Variants in CSMD1 observed in about 807,000 individuals in gnomAD.
CSMD1 encodes CUB and sushi domain-containing protein 1.
Under a neutral mutation model 417.5 loss-of-function variants are expected in CSMD1, and 213 were observed. The ratio of observed to expected loss-of-function variants is 0.51; its 90% CI spans 0.46 to 0.57. CSMD1 has a LOEUF of 0.57. CSMD1 is among the 20% of genes least tolerant of loss of function. The probability of loss-of-function intolerance (pLI) is 0.00; values close to 1 mark genes in which losing one functional copy is unlikely to be tolerated. For missense variants in CSMD1, 6,923 were observed against 4,529.7 expected (o/e 1.53, Z -15.17); for synonymous variants, 2,862 against 1,736.8 (o/e 1.65, Z -16.11).
chr8:4,853,865 C>G (rs530474282), intron 1 of CSMD1, among the ~76,000 whole-genome samples: 1 of 152,350 alleles, frequency 6.6e-6, no homozygotes, highest in Non-Finnish European at 1.5e-5. Context: ...GGATGCAGGA[C>G]ATACAGTCAA....
chr8:4,994,032 C>G (rs1332778925), intron 1 of CSMD1, among the ~76,000 whole-genome samples: 1 of 152,142 alleles, frequency 6.6e-6, no homozygotes, highest in African/African-American at 2.4e-5. Context: ...CAGTTCCAGC[C>G]CAACTCGTAT....
intron 23 of CSMD1, among the ~76,000 whole-genome samples, chr8:3,342,945 TC>T (rs1754498971): frequency 6.6e-6 from 1 of 152,026 alleles, no homozygotes; most frequent in African/African-American, 2.4e-5. Context: ...TCCGGTTGTA[TC>T]AAACATCTCT....
chr8:4,935,802 G>A (rs6990414), intron 1 of CSMD1, among the ~76,000 whole-genome samples: 47,006 of 152,070 alleles, frequency 0.31, 8,217 homozygotes, highest in Non-Finnish European at 0.4. Flanking sequence ...AATAGGAATT[G>A]CAACTTGAGA....
intron 52 of CSMD1, among the ~76,000 whole-genome samples, chr8:3,000,530 A>T (rs1807308277): frequency 6.6e-6 from 1 of 152,152 alleles, no homozygotes; most frequent in Admixed American, 6.5e-5. Flanking sequence ...TAGTAAGGAG[A>T]TCGGTGAGGG....
At chr8:3,036,083 A>G (rs1359402137) in intron 50 of CSMD1, among the ~76,000 whole-genome samples, 1 of 152,218 alleles carries the variant, frequency 6.6e-6, no homozygotes, top group Non-Finnish European at 1.5e-5. Flanking sequence ...AGTCCTGTGC[A>G]TAAAAGACAC....
chr8:3,369,613 G>C (rs547134421), intron 18 of CSMD1, among the ~76,000 whole-genome samples: 7 of 152,142 alleles, frequency 4.6e-5, no homozygotes, highest in Non-Finnish European at 8.8e-5. Flanking sequence ...CAGCAGGAGA[G>C]CTGGAACCTG....
intron 2 of CSMD1, among the ~76,000 whole-genome samples, chr8:4,450,265 A>C (rs1002609404): frequency 6.6e-6 from 1 of 152,332 alleles, no homozygotes; most frequent in Admixed American, 6.5e-5. Context: ...GATCTTCAGG[A>C]GCACACAACA....
At chr8:3,920,959 G>C (rs1449413159) in intron 5 of CSMD1, among the ~76,000 whole-genome samples, 2 of 152,108 alleles carry the variant, frequency 1.3e-5, no homozygotes, top group Non-Finnish European at 2.9e-5. Context: ...ATCTAGATAT[G>C]ACATGAGGGT....
At chr8:4,818,835 T>C (rs1241888840) in intron 1 of CSMD1, among the ~76,000 whole-genome samples, 3 of 152,184 alleles carry the variant, frequency 2.0e-5, no homozygotes, top group Non-Finnish European at 4.4e-5. Context: ...AATTATGCAT[T>C]ATCATTTTTC....
intron 5 of CSMD1, among the ~76,000 whole-genome samples, chr8:3,907,364 A>G (rs1311407797): frequency 1.3e-5 from 2 of 152,198 alleles, no homozygotes; most frequent in Admixed American, 6.5e-5. Context: ...AATAAGTTCA[A>G]TCTTTTTGGG....
intron 3 of CSMD1, among the ~76,000 whole-genome samples, chr8:4,371,417 T>G (rs1563103985): frequency 6.6e-6 from 1 of 152,238 alleles, no homozygotes; most frequent in Non-Finnish European, 1.5e-5. Flanking sequence ...TTAATTCAAG[T>G]AAGCATTAGG....
intron 3 of CSMD1, among the ~76,000 whole-genome samples, chr8:4,313,769 G>C (rs10098620): frequency 6.6e-6 from 1 of 151,752 alleles, no homozygotes; most frequent in Non-Finnish European, 1.5e-5. Context: ...TAATTCCAGC[G>C]TTTTGGGAGG....
At chr8:3,539,744 T>G (rs1798358541) in intron 10 of CSMD1, among the ~76,000 whole-genome samples, 1 of 141,054 alleles carries the variant, frequency 7.1e-6, no homozygotes, top group Admixed American at 7.1e-5. Flanking sequence ...AACAAGAATC[T>G]CTAGCCCTTT....
intron 5 of CSMD1, among the ~76,000 whole-genome samples, chr8:3,993,921 C>T (rs117206099): frequency 0.024 from 3,654 of 152,272 alleles, 103 homozygotes; most frequent in Admixed American, 0.092. Context: ...AAACGTGCAG[C>T]TGAACAAATG....
At chr8:4,196,950 C>T (rs1034057391) in intron 3 of CSMD1, among the ~76,000 whole-genome samples, 3 of 152,246 alleles carry the variant, frequency 2.0e-5, no homozygotes, top group East Asian at 1.9e-4. Flanking sequence ...TTCTTTGCTC[C>T]AATTTTAGTC....
At chr8:4,098,506 G>C (rs974135991) in intron 3 of CSMD1, among the ~76,000 whole-genome samples, 2 of 152,094 alleles carry the variant, frequency 1.3e-5, no homozygotes. Flanking sequence ...TTTTAGGCCA[G>C]TTACCCAGCT....
At chr8:4,671,460 G>A (rs1269815543) in intron 1 of CSMD1, among the ~76,000 whole-genome samples, 3 of 152,130 alleles carry the variant, frequency 2.0e-5, no homozygotes. Context: ...GATAATTCTG[G>A]AAGCACGACA....
chr8:3,330,834 C>A (rs1262565187), intron 23 of CSMD1, among the ~76,000 whole-genome samples: 2 of 152,184 alleles, frequency 1.3e-5, no homozygotes, highest in Non-Finnish European at 2.9e-5. Context: ...AATGAATTAT[C>A]AGCAGGTAGG....
intron 1 of CSMD1, among the ~76,000 whole-genome samples, chr8:4,664,605 A>C (rs142262351): frequency 6.6e-6 from 1 of 152,318 alleles, no homozygotes; most frequent in Non-Finnish European, 1.5e-5. Flanking sequence ...TACATTTTTA[A>C]AGGAAAAGAA....
Sources: allele counts gnomAD v4.1 joint callset (sites outside exome capture counted in the v4.1 genomes callset), GRCh38; gene constraint gnomAD v4.1.1; transcripts MANE v1.5; gene names NCBI Gene and HGNC (gene_info 2026-07-23, HGNC 2026-07-21).